The following BAZ2B variants were observed in gnomAD, a reference collection of about 807,000 sequenced individuals.
The protein encoded by BAZ2B is bromodomain adjacent to zinc finger domain protein 2B.
Under a neutral mutation model 246.0 loss-of-function variants are expected in BAZ2B, and 91 were observed. That is an observed-to-expected ratio of 0.37 (90% CI 0.31 to 0.44). The LOEUF is 0.44. Ranked by LOEUF, BAZ2B falls within the 20% of genes least tolerant of loss-of-function variation. The probability of loss-of-function intolerance (pLI) is 1.00; values close to 1 mark genes in which losing one functional copy is unlikely to be tolerated. For missense variants in BAZ2B, 2,332 were observed against 2,533.7 expected (o/e 0.92, Z 1.71); for synonymous variants, 855 against 860.0 (o/e 0.99, Z 0.10).
intron 2 of BAZ2B, among the ~76,000 whole-genome samples, chr2:159,549,142 A>G (rs1485471950): frequency 6.6e-6 from 1 of 152,102 alleles, no homozygotes; most frequent in Non-Finnish European, 1.5e-5. Flanking sequence ...TTAGCCAGGC[A>G]TGGTGGCATG....
chr2:159,643,753 G>A, the BAZ2B span, among the ~76,000 whole-genome samples: 1 of 151,662 alleles, frequency 6.6e-6, no homozygotes, highest in Non-Finnish European at 1.5e-5. Flanking sequence ...GCGGGCACCT[G>A]TAATCCCAGC....
At chr2:159,711,321 T>C in the BAZ2B span, among the ~76,000 whole-genome samples, 3 of 152,242 alleles carry the variant, frequency 2.0e-5, no homozygotes, top group Admixed American at 2.0e-4. Flanking sequence ...AAAAGTTAGA[T>C]TGGCACTTAC....
intron 2 of BAZ2B, among the ~76,000 whole-genome samples, chr2:159,484,784 CAG>C (rs1453782397): frequency 6.6e-6 from 1 of 151,988 alleles, no homozygotes; most frequent in African/African-American, 2.4e-5. Context: ...CCCTGTGTTT[CAG>C]GTGCACTGAT....
chr2:159,510,129 A>T (rs935457231), intron 2 of BAZ2B, among the ~76,000 whole-genome samples: 22 of 152,092 alleles, frequency 1.4e-4, no homozygotes, highest in Non-Finnish European at 2.5e-4. Flanking sequence ...AGTAGATTAG[A>T]GGTTACTAGG....
chr2:159,670,942 T>C, the BAZ2B span: 1 of 152,346 alleles, frequency 6.6e-6, no homozygotes, highest in East Asian at 1.9e-4. Flanking sequence ...TTTAAGATGA[T>C]GTTATACTGT....
At chr2:159,703,856 C>A in the BAZ2B span, among the ~76,000 whole-genome samples, 1 of 152,124 alleles carries the variant, frequency 6.6e-6, no homozygotes, top group Non-Finnish European at 1.5e-5. Context: ...CAGAACAAGA[C>A]CCTGTCTCAA....
At chr2:159,479,953 G>A (rs1364157485) in intron 2 of BAZ2B, among the ~76,000 whole-genome samples, 1 of 152,046 alleles carries the variant, frequency 6.6e-6, no homozygotes, top group East Asian at 1.9e-4. Context: ...TACAGAATTT[G>A]TATTTCTCTT....
chr2:159,431,930 G>C (rs976865094), intron 9 of BAZ2B, among the ~76,000 whole-genome samples: 2 of 152,038 alleles, frequency 1.3e-5, no homozygotes, highest in Admixed American at 6.6e-5. Flanking sequence ...AGTTAGTTTT[G>C]AAAGTTATGA....
intron 3 of BAZ2B, among the ~76,000 whole-genome samples, chr2:159,457,453 A>G (rs992293946): frequency 2.0e-5 from 3 of 152,246 alleles, no homozygotes; most frequent in Admixed American, 6.5e-5. Context: ...AGGCCTATCC[A>G]TGGGACTCAT....
intron 2 of BAZ2B, among the ~76,000 whole-genome samples, chr2:159,489,060 A>G (rs1300631688): frequency 3.9e-5 from 6 of 152,198 alleles, no homozygotes; most frequent in African/African-American, 2.4e-5. Context: ...CATAAAGCCT[A>G]TTTCCTCTCA....
intron 1 of BAZ2B, among the ~76,000 whole-genome samples, chr2:159,565,976 T>C (rs543465724): frequency 1.2e-3 from 177 of 152,276 alleles, no homozygotes; most frequent in African/African-American, 4.1e-3. Flanking sequence ...TATTTGGTAA[T>C]AGGCTGCCAT....
the BAZ2B span, among the ~76,000 whole-genome samples, chr2:159,646,700 C>T: frequency 6.6e-6 from 1 of 152,068 alleles, no homozygotes; most frequent in Admixed American, 6.5e-5. Context: ...TTTGGGGTCC[C>T]TGACTTCCTG....
At chr2:159,469,712 A>G (rs932406937) in intron 3 of BAZ2B, among the ~76,000 whole-genome samples, 6 of 152,112 alleles carry the variant, frequency 3.9e-5, no homozygotes, top group Non-Finnish European at 8.8e-5. Flanking sequence ...AAGTGCTGGG[A>G]TTACAGGCAT....
the BAZ2B span, chr2:159,693,345 C>A: frequency 6.6e-6 from 1 of 150,402 alleles, no homozygotes; most frequent in Non-Finnish European, 1.5e-5. Flanking sequence ...CCTTGATATT[C>A]TTTTCTATTT....
At chr2:159,624,401 ACACCTCCCAGTAG>A in the BAZ2B span, among the ~76,000 whole-genome samples, 2 of 152,116 alleles carry the variant, frequency 1.3e-5, no homozygotes, top group African/African-American at 4.8e-5. Context: ...TGATGGGGAG[ACACCTCCCAGTAG>A]GGGCTGACAG....
At chr2:159,521,934 T>G (rs1290059931) in intron 2 of BAZ2B, among the ~76,000 whole-genome samples, 1 of 152,028 alleles carries the variant, frequency 6.6e-6, no homozygotes, top group East Asian at 1.9e-4. Context: ...AAGAAAATAA[T>G]AAATACATTT....
chr2:159,522,587 T>G (rs1046505681), intron 2 of BAZ2B, among the ~76,000 whole-genome samples: 8 of 152,198 alleles, frequency 5.3e-5, no homozygotes, highest in Non-Finnish European at 1.0e-4. Flanking sequence ...ACAATTCTGT[T>G]AGAAATAAGT....
At chr2:159,582,063 T>TATA (rs4027382) in intron 1 of BAZ2B, among the ~76,000 whole-genome samples, 140,266 of 152,030 alleles carry the variant, frequency 0.92, 65,202 homozygotes, top group East Asian at 1. Flanking sequence ...GAACTTAAAG[T>TATA]ATAAAAAAAA....
chr2:159,712,182 C>G, the BAZ2B span: 6 of 152,000 alleles, frequency 3.9e-5, no homozygotes, highest in African/African-American at 1.2e-4. Context: ...ACCCGGCGCC[C>G]GGGAGGGAAG....
Sources: allele counts gnomAD v4.1 joint callset (sites outside exome capture counted in the v4.1 genomes callset), GRCh38; gene constraint gnomAD v4.1.1; transcripts MANE v1.5; gene names NCBI Gene and HGNC (gene_info 2026-07-23, HGNC 2026-07-21).